The following KLHL29 variants were observed in gnomAD, a reference collection of about 807,000 sequenced individuals.
The protein encoded by KLHL29 is kelch-like protein 29.
KLHL29 carries 21 observed loss-of-function variants against 80.4 expected under a neutral mutation model. The ratio of observed to expected loss-of-function variants is 0.26; its 90% CI spans 0.19 to 0.38. The LOEUF (loss-of-function observed/expected upper bound fraction) is 0.38, where lower values mean the gene tolerates loss of function less well. KLHL29 is among the 10% of genes least tolerant of loss of function. The pLI, the probability that KLHL29 is intolerant of heterozygous loss-of-function variation, is 1.00. For missense variants in KLHL29, 867 were observed against 1,223.9 expected (o/e 0.71, Z 4.35); for synonymous variants, 511 against 526.8 (o/e 0.97, Z 0.41).
At chr2:23,468,602 A>C (rs2103433362) in intron 1 of KLHL29, among the ~76,000 whole-genome samples, 1 of 152,108 alleles carries the variant, frequency 6.6e-6, no homozygotes, top group Middle Eastern at 3.4e-3. Flanking sequence ...CTCATTCCAG[A>C]CCCTAGGAGT....
chr2:23,486,228 A>G (rs1664929840), intron 2 of KLHL29, among the ~76,000 whole-genome samples: 1 of 152,060 alleles, frequency 6.6e-6, no homozygotes, highest in South Asian at 2.1e-4. Flanking sequence ...GGAATCTGCA[A>G]GCACCTATCA....
At chr2:23,489,828 C>T (rs1665044171) in intron 2 of KLHL29, among the ~76,000 whole-genome samples, 1 of 152,128 alleles carries the variant, frequency 6.6e-6, no homozygotes, top group Admixed American at 6.5e-5. Context: ...GCGGTACCCA[C>T]ACCAAGGAGG....
At chr2:23,523,930 G>A (rs13390453) in intron 2 of KLHL29, 21,954 of 463,040 alleles carry the variant, frequency 0.047, 1,769 homozygotes, top group African/African-American at 0.25. Context: ...AGGAAAGAGG[G>A]ACCTTGAAGT....
At chr2:23,619,929 G>A (rs1669126194) in intron 3 of KLHL29, among the ~76,000 whole-genome samples, 1 of 152,190 alleles carries the variant, frequency 6.6e-6, no homozygotes, top group Non-Finnish European at 1.5e-5. Context: ...TGAGCAAATA[G>A]GACTTAGAGT....
intron 2 of KLHL29, among the ~76,000 whole-genome samples, chr2:23,513,826 T>C (rs1207926579): frequency 6.6e-6 from 1 of 152,162 alleles, no homozygotes; most frequent in Admixed American, 6.5e-5. Flanking sequence ...ATCTATAGAC[T>C]TTCCACGTCA....
chr2:23,625,821 G>A (rs1227469257), intron 3 of KLHL29, among the ~76,000 whole-genome samples: 2 of 152,114 alleles, frequency 1.3e-5, no homozygotes, highest in African/African-American at 4.8e-5. Flanking sequence ...AGATTGTGAG[G>A]GTGGGGCCCA....
In KLHL29 at chr2:23,415,711, T is replaced by A. The variant is rs147859478; in HGVS notation, c.-154+29931T>A. On this transcript the variant is annotated intron_variant, in intron 1 of 13. Coordinates refer to ENST00000486442, the MANE Select transcript of KLHL29 (RefSeq NM_052920.2). ...ATCTAAAGGTAGTCTTTTTATTTTT[T>A]TTTTTGACATAGACTCTCACTCTGT... Among the ~76,000 whole-genome samples the A allele has an allele frequency of 1.5e-4, 23 of 152,186 alleles. No individual in the cohort carries two copies. The East Asian group carries it at 4.1e-3, about 27-fold the overall frequency.
chr2:23,548,944 G>A (rs1190424470), intron 2 of KLHL29, among the ~76,000 whole-genome samples: 2 of 152,174 alleles, frequency 1.3e-5, no homozygotes, highest in Non-Finnish European at 2.9e-5. Flanking sequence ...CTGAGACTCG[G>A]TTACCACCAT....
At chr2:23,430,432 G>A (rs1423057178) in intron 1 of KLHL29, among the ~76,000 whole-genome samples, 2 of 152,204 alleles carry the variant, frequency 1.3e-5, no homozygotes, top group Non-Finnish European at 2.9e-5. Context: ...GATGACGCAT[G>A]TTCTAAAAGG....
At chr2:23,402,448 C>T (rs1217638316) in intron 1 of KLHL29, among the ~76,000 whole-genome samples, 1 of 152,230 alleles carries the variant, frequency 6.6e-6, no homozygotes. Context: ...GTGTGCTTAT[C>T]TAGGTCCTTG....
chr2:23,579,426 T>G (rs1039844828), intron 3 of KLHL29, among the ~76,000 whole-genome samples: 1 of 152,136 alleles, frequency 6.6e-6, no homozygotes, highest in Admixed American at 6.5e-5. Flanking sequence ...ATCCTCAGCC[T>G]CAAAGCTGTG....
At chr2:23,395,864 C>G (rs1038737658) in intron 1 of KLHL29, among the ~76,000 whole-genome samples, 2 of 152,192 alleles carry the variant, frequency 1.3e-5, no homozygotes, top group African/African-American at 2.4e-5. Context: ...GTCTTGGACT[C>G]TCATGGTGAG....
At chr2:23,404,570 G>A (rs1204817864) in intron 1 of KLHL29, among the ~76,000 whole-genome samples, 1 of 152,182 alleles carries the variant, frequency 6.6e-6, no homozygotes, top group African/African-American at 2.4e-5. Flanking sequence ...GCCCACAAGA[G>A]GGCATTTTCT....
chr2:23,485,608 C>G (rs1379000259), intron 2 of KLHL29, among the ~76,000 whole-genome samples: 1 of 152,224 alleles, frequency 6.6e-6, no homozygotes, highest in African/African-American at 2.4e-5. Flanking sequence ...ACATTGCATT[C>G]AAGCCATGTT....
At chr2:23,428,703 A>G (rs549158918) in intron 1 of KLHL29, among the ~76,000 whole-genome samples, 87 of 152,294 alleles carry the variant, frequency 5.7e-4, no homozygotes, top group Non-Finnish European at 1.0e-3. Context: ...GTGGTGAACA[A>G]TGTCCCTCTT....
chr2:23,491,305 C>T (rs1665096037), intron 2 of KLHL29, among the ~76,000 whole-genome samples: 1 of 152,140 alleles, frequency 6.6e-6, no homozygotes, highest in African/African-American at 2.4e-5. Flanking sequence ...GAGCTCTGCT[C>T]TCCTACCCTG....
chr2:23,592,267 C>T (rs989463610), intron 3 of KLHL29, among the ~76,000 whole-genome samples: 3 of 152,210 alleles, frequency 2.0e-5, no homozygotes, highest in African/African-American at 4.8e-5. Flanking sequence ...ACCCCGGCTC[C>T]AGGGCCCCAT....
At chr2:23,615,235 G>A (rs139216094) in intron 3 of KLHL29, among the ~76,000 whole-genome samples, 3 of 152,320 alleles carry the variant, frequency 2.0e-5, no homozygotes, top group African/African-American at 7.2e-5. Context: ...TTTTGCAGAT[G>A]AGAAAACTGC....
At chr2:23,483,163 A>G (rs1395071176) in intron 2 of KLHL29, among the ~76,000 whole-genome samples, 1 of 152,212 alleles carries the variant, frequency 6.6e-6, no homozygotes, top group African/African-American at 2.4e-5. Flanking sequence ...CATATGAGAT[A>G]AAAACCCCTG....
Sources: gnomAD v4.1 joint callset for allele counts (sites outside exome capture counted in the v4.1 genomes callset) on GRCh38, gnomAD v4.1.1 for gene constraint, MANE v1.5 for transcripts, NCBI Gene and HGNC (gene_info 2026-07-23, HGNC 2026-07-21) for gene names.